The following SPAG16 variants were observed in gnomAD, a reference collection of about 807,000 sequenced individuals.
SPAG16 encodes sperm-associated antigen 16 protein.
SPAG16 carries 86 observed loss-of-function variants against 80.4 expected under a neutral mutation model. The ratio of observed to expected loss-of-function variants is 1.07; its 90% confidence interval spans 0.90 to 1.28. SPAG16 has a LOEUF of 1.28. Among genes scored for constraint, SPAG16 ranks in the 50% most tolerant of loss-of-function variants. The pLI is 0.00. For synonymous variants in SPAG16, 294 were observed against 265.9 expected, an observed-to-expected ratio of 1.11 and a Z score of -1.03; for missense variants, 870 against 765.3, an observed-to-expected ratio of 1.14 and a Z score of -1.61.
chr2:213,671,791 TCAGA>T (rs147587765), intron 10 of SPAG16, among the ~76,000 whole-genome samples: 7,417 of 152,174 alleles, frequency 0.049, 586 homozygotes, highest in African/African-American at 0.17. Context: ...GCACGTTCAT[TCAGA>T]CAGTCTGTGA....
intron 6 of SPAG16, 38 bp from the exon 7 acceptor site, chr2:213,350,490 A>G (rs1302430912): frequency 1.8e-6 from 2 of 1,121,114 alleles, no homozygotes; most frequent in Non-Finnish European, 2.5e-6. Context: ...ATTTAACTCA[A>G]TAACCCCTTA....
intron 15 of SPAG16, among the ~76,000 whole-genome samples, chr2:214,150,831 A>T (rs2055938279): frequency 6.6e-6 from 1 of 152,090 alleles, no homozygotes; most frequent in Non-Finnish European, 1.5e-5. Context: ...TACTTAGATA[A>T]ACATGATTTT....
At chr2:213,581,112 T>A (rs1322909445) in intron 10 of SPAG16, among the ~76,000 whole-genome samples, 1 of 152,186 alleles carries the variant, frequency 6.6e-6, no homozygotes, top group Non-Finnish European at 1.5e-5. Context: ...GTTGGGTAAC[T>A]CTATAGCTCT....
At chr2:214,120,534 T>C (rs1169161389) in intron 14 of SPAG16, among the ~76,000 whole-genome samples, 1 of 151,886 alleles carries the variant, frequency 6.6e-6, no homozygotes, top group African/African-American at 2.4e-5. Flanking sequence ...CACTAGCATT[T>C]TCACCTCAAC....
chr2:213,471,713 C>T (rs763152644), intron 9 of SPAG16, among the ~76,000 whole-genome samples: 2 of 152,198 alleles, frequency 1.3e-5, no homozygotes, highest in Non-Finnish European at 2.9e-5. Context: ...TGATCTGTTG[C>T]AGAGCCTTCT....
intron 15 of SPAG16, among the ~76,000 whole-genome samples, chr2:214,199,444 C>T (rs1387265374): frequency 6.6e-6 from 1 of 152,088 alleles, no homozygotes; most frequent in East Asian, 1.9e-4. Flanking sequence ...GTTCTCTATT[C>T]TGTTCCCTGG....
intron 10 of SPAG16, among the ~76,000 whole-genome samples, chr2:213,560,742 CCTT>C (rs941625684): frequency 2.0e-4 from 31 of 152,266 alleles, no homozygotes; most frequent in African/African-American, 7.0e-4. Context: ...ACTTCCTACT[CCTT>C]AAGAGTTTAT....
rs543144556 is a variant in SPAG16 at position 213,338,544 on chromosome 2, TACAAA to T, written c.537-1618_537-1614del. On this transcript the variant is annotated intron_variant, in intron 5 of 15. Coordinates refer to ENST00000331683, the MANE Select transcript of SPAG16 (RefSeq NM_024532.5). ...CCCAAAGGAATATAAATCATTCTGTTACAAAGACACATGCATGTGTATGTTCATTG... is the reference window on the plus strand; with the variant it reads ...CCCAAAGGAATATAAATCATTCTGTTGACACATGCATGTGTATGTTCATTG... 2.9e-4 allele frequency among the ~76,000 whole-genome samples: 44 copies of T among 152,322 alleles called. 1 individual carries two copies. Among genetic ancestry groups the T allele is most frequent in the African/African-American group, 1.0e-3 (43 of 41,574 alleles).
chr2:214,341,444 CAGAT>C (rs961570379), intron 15 of SPAG16, among the ~76,000 whole-genome samples: 4 of 152,126 alleles, frequency 2.6e-5, no homozygotes, highest in Non-Finnish European at 5.9e-5. Context: ...AAGAGACTCA[CAGAT>C]AGAATTACCC....
intron 15 of SPAG16, among the ~76,000 whole-genome samples, chr2:214,355,901 T>C (rs998544771): frequency 1.2e-4 from 18 of 150,892 alleles, no homozygotes; most frequent in Admixed American, 6.6e-4. Context: ...GAAATCATCA[T>C]TCTCAGTAAA....
intron 10 of SPAG16, among the ~76,000 whole-genome samples, chr2:213,624,100 C>A (rs1210621305): frequency 6.6e-6 from 1 of 151,884 alleles, no homozygotes; most frequent in Admixed American, 6.6e-5. Context: ...TTCCTGACAA[C>A]CTGGTAGAAG....
At chr2:213,346,839 C>A (rs2065021438) in intron 6 of SPAG16, among the ~76,000 whole-genome samples, 1 of 8,942 alleles carries the variant, frequency 1.1e-4, no homozygotes, top group Non-Finnish European at 1.1e-3. Context: ...GTCTAAAATT[C>A]TCTTTTTTTT....
At chr2:214,112,164 T>G (rs2053698079) in intron 14 of SPAG16, among the ~76,000 whole-genome samples, 1 of 152,218 alleles carries the variant, frequency 6.6e-6, no homozygotes, top group Admixed American at 6.5e-5. Flanking sequence ...GATTGCACTG[T>G]GGTCTGAGAG....
chr2:213,817,227 T>C (rs1002787917), intron 10 of SPAG16, among the ~76,000 whole-genome samples: 2 of 145,540 alleles, frequency 1.4e-5, no homozygotes, highest in African/African-American at 5.1e-5. Context: ...TATATATATA[T>C]ATGCTTATAT....
At chr2:213,631,883 T>C (rs2062165899) in intron 10 of SPAG16, among the ~76,000 whole-genome samples, 2 of 152,184 alleles carry the variant, frequency 1.3e-5, no homozygotes, top group Admixed American at 1.3e-4. Context: ...TTGGTTACAG[T>C]AGCTCTGTAG....
intron 10 of SPAG16, among the ~76,000 whole-genome samples, chr2:213,577,418 G>A (rs1294957547): frequency 2.0e-5 from 3 of 152,032 alleles, no homozygotes; most frequent in Non-Finnish European, 4.4e-5. Flanking sequence ...GTACTTGATA[G>A]CTGCTCTTGC....
chr2:213,308,127 A>G (rs992686680), intron 3 of SPAG16, among the ~76,000 whole-genome samples: 2 of 152,150 alleles, frequency 1.3e-5, no homozygotes, highest in Non-Finnish European at 2.9e-5. Flanking sequence ...CACTCAAGAG[A>G]CGATGATTGT....
At chr2:213,352,697 G>A (rs2065400492) in intron 7 of SPAG16, among the ~76,000 whole-genome samples, 1 of 152,166 alleles carries the variant, frequency 6.6e-6, no homozygotes, top group African/African-American at 2.4e-5. Context: ...TGATTGATAT[G>A]TGTACAAGAT....
At chr2:214,129,956 A>G (rs1195965384) in intron 14 of SPAG16, among the ~76,000 whole-genome samples, 2 of 152,158 alleles carry the variant, frequency 1.3e-5, no homozygotes, top group African/African-American at 4.8e-5. Flanking sequence ...TGAGATCTGT[A>G]GAGGAGAAAA....
Sources: allele counts gnomAD v4.1 joint callset (sites outside exome capture counted in the v4.1 genomes callset), GRCh38; gene constraint gnomAD v4.1.1; transcripts MANE v1.5; gene names NCBI Gene and HGNC (gene_info 2026-07-23, HGNC 2026-07-21).